Variants in PNMA6E observed in about 807,000 individuals in gnomAD.
PNMA6E encodes the protein PNMA family member 6E.
For synonymous variants in PNMA6E, 43 were observed against 17.1 expected, an observed-to-expected ratio of 2.52 and a Z score of -3.74; for missense variants, 78 against 50.8, an observed-to-expected ratio of 1.53 and a Z score of -1.63.
At chrX:153,413,106 G>A in the PNMA6E span, among the ~76,000 whole-genome samples, 2 of 110,990 alleles carry the variant, frequency 1.8e-5, no homozygotes, top group African/African-American at 6.6e-5. Flanking sequence ...AGCTGATGGG[G>A]CTGAGAGAAG....
chrX:153,404,586 G>A (rs2088868579), upstream of PNMA6E, among the ~76,000 whole-genome samples: 1 of 111,980 alleles, frequency 8.9e-6, no homozygotes, highest in African/African-American at 3.3e-5. Flanking sequence ...CCTGTGTTGG[G>A]TATCAACTGC....
chrX:153,408,278 C>T, the PNMA6E span, among the ~76,000 whole-genome samples: 16 of 112,591 alleles, frequency 1.4e-4, no homozygotes, highest in African/African-American at 1.9e-4. Context: ...AGGCAGTGGA[C>T]GGCCACCTCC....
chrX:153,397,230 G>C lies in PNMA6E; in HGVS notation c.1620C>G (p.Ala540=). 1 of 297,962 alleles carries C rather than the reference G, an allele frequency of 3.4e-6. No individual in the cohort carries two copies. The allele number at this position is 297,962 out of a possible 1,213,427, so 24.6% of individuals were successfully genotyped here. A position where few individuals can be genotyped will look rare whatever the true frequency, so the allele number is the denominator to read the frequency against. ...CCTCTTTGGTGGCAGAAGCGGCCTC[G>C]GCAGCATCTTCTGCTCCGGGACCAG... is the stretch of plus-strand genomic sequence containing the variant. The part of the protein sequence containing the change: ...SEAGPGAEDA[A]EAASATKEAA... The change falls in exon 2 of 2, where the codon GCC becomes GCG. Residue 540 remains alanine (A), a synonymous_variant. Transcript: ENST00000445091.
At chrX:153,409,219 C>T in the PNMA6E span, among the ~76,000 whole-genome samples, 2 of 113,383 alleles carry the variant, frequency 1.8e-5, no homozygotes, top group African/African-American at 3.2e-5. Context: ...CCAGGCCAGC[C>T]GGACTGTGAG....
At chrX:153,405,485 G>A (rs1217504336), upstream of PNMA6E, among the ~76,000 whole-genome samples, 1 of 110,387 alleles carries the variant, frequency 9.1e-6, no homozygotes, top group Non-Finnish European at 1.9e-5. Context: ...TGTCTTGGGT[G>A]CTCTCTCTTA....
chrX:153,402,055 C>T (rs1221965636), upstream of PNMA6E, among the ~76,000 whole-genome samples: 1 of 110,511 alleles, frequency 9.0e-6, no homozygotes, highest in African/African-American at 3.3e-5. Flanking sequence ...CATCTCTTGA[C>T]CTTGTGATCC....
chrX:153,411,807 G>A, the PNMA6E span, among the ~76,000 whole-genome samples: 1 of 112,411 alleles, frequency 8.9e-6, no homozygotes, highest in African/African-American at 3.2e-5. Flanking sequence ...CGGCGGCGGC[G>A]ACAAGCAGGG....
Position 153,396,938 on chromosome X carries a change from C to T in PNMA6E, c.1912G>A (p.Glu638Lys), listed in dbSNP as rs1030734177. The T allele has an allele frequency of 4.7e-5, 14 of 296,376 alleles. No homozygotes were observed. In the East Asian group the frequency reaches 4.8e-4, roughly 10 times the overall value. 24.4% of individuals were successfully genotyped at this position (296,376 alleles called of 1,213,427 possible). Residue 638 changes from glutamate (E) to lysine (K), a missense_variant, in exon 2 of 2, where the codon GAG (glutamate) becomes AAG (lysine). Physicochemically the swap from Glu to Lys is moderately conservative, Grantham distance 56 (BLOSUM62 1). Coordinates refer to ENST00000445091, the MANE Select transcript of PNMA6E (RefSeq NM_001367770.1). ...ENEDEDGAGD[E>K]GQPKSSQGK The stretch of plus-strand genomic sequence containing the variant: ...CCCTGGGAGGACTTGGGCTGGCCCT[C>T]GTCCCCGGCCCCATCCTCATCCTCG...
chrX:153,397,778 C>T lies in PNMA6E; in HGVS notation c.1072G>A (p.Glu358Lys), dbSNP rs972368514. The change falls in exon 2 of 2, where the codon GAG becomes AAG. Residue 358 changes from glutamate (E) to lysine (K), a missense_variant. Coordinates refer to ENST00000445091, the MANE Select transcript of PNMA6E (RefSeq NM_001367770.1). Reference sequence around the variant, plus strand: ...CTCTCCAGCAGCCACCTCTTCTTCTCCCTTTCCGACGCATGGCACCACAGC... The same window carrying T: ...CTCTCCAGCAGCCACCTCTTCTTCTTCCTTTCCGACGCATGGCACCACAGC... ...LQLWCHASER[E>K]KKRWLLESLG... The T allele has an allele frequency of 4.9e-5, 15 of 309,127 alleles. No homozygotes were observed. The highest frequency in any genetic ancestry group is 3.8e-4 in the African/African-American group (14 of 37,034). 25.5% of individuals were successfully genotyped at this position (309,127 alleles called of 1,213,427 possible).
chrX:153,406,484 T>C, the PNMA6E span, among the ~76,000 whole-genome samples: 2 of 112,640 alleles, frequency 1.8e-5, no homozygotes, highest in Non-Finnish European at 3.8e-5. Context: ...GAGAATTGCA[T>C]GTGCAAAGGT....
chrX:153,405,377 C>T (rs1425661547), upstream of PNMA6E, among the ~76,000 whole-genome samples: 1 of 111,997 alleles, frequency 8.9e-6, no homozygotes, highest in East Asian at 2.8e-4. Flanking sequence ...TAGCTGGATC[C>T]CTCTCCCTTT....
At chrX:153,405,252 G>A (rs782191088), upstream of PNMA6E, among the ~76,000 whole-genome samples, 1 of 112,115 alleles carries the variant, frequency 8.9e-6, no homozygotes, top group Non-Finnish European at 1.9e-5. Context: ...AAGTGTTGTC[G>A]CCTCTCCAAC....
At chrX:153,407,657 C>A in the PNMA6E span, among the ~76,000 whole-genome samples, 3 of 111,490 alleles carry the variant, frequency 2.7e-5, no homozygotes, top group Non-Finnish European at 5.7e-5. Flanking sequence ...CAGGCATGAG[C>A]CACCATGCCC....
chrX:153,413,965 T>TGGGG, the PNMA6E span, among the ~76,000 whole-genome samples: 9 of 112,456 alleles, frequency 8.0e-5, no homozygotes, highest in African/African-American at 2.3e-4. Context: ...CTCCCGCCGA[T>TGGGG]GGGGTGTTCA....
rs1159505065 is a variant in PNMA6E, at chrX:153,400,699, C to A, written c.-72+545G>T. On this transcript the variant is annotated intron_variant, in intron 1 of 1. Coordinates refer to ENST00000445091, the MANE Select transcript of PNMA6E (RefSeq NM_001367770.1). ...CCCTAGGACCTGACCACGGCACCCG[C>A]CAGGGGCCGTCCCCTCTCGCGCCTC... 3.6e-5 allele frequency among the ~76,000 whole-genome samples: 4 copies of A among 110,457 alleles called. No homozygotes were observed. The East Asian group carries it at 1.2e-3, about 32-fold the overall frequency.
At chrX:153,410,837 A>G in the PNMA6E span, among the ~76,000 whole-genome samples, 1 of 111,837 alleles carries the variant, frequency 8.9e-6, no homozygotes, top group Non-Finnish European at 1.9e-5. Context: ...CTATTTGTCA[A>G]AGGTCTCACA....
chrX:153,411,208 C>T, the PNMA6E span, among the ~76,000 whole-genome samples: 2 of 112,615 alleles, frequency 1.8e-5, no homozygotes, highest in African/African-American at 6.4e-5. Context: ...GACGTAATAA[C>T]GCCCAGGGGT....
Position 153,397,060 on chromosome X carries a change from A to C in PNMA6E, c.1790T>G (p.Leu597Arg), listed in dbSNP as rs2088812840. ...GATGAGGCCCTCTGGACCCCAGCTA[A>C]GACCTCTTGGGAACACCCAGACAGC... ...SSAVWVFPRG[L>R]SWGPEGLIQV... The change falls in exon 2 of 2, where the codon CTT (leucine) becomes CGT (arginine). Residue 597 changes from leucine (L) to arginine (R), a missense_variant. Transcript: ENST00000445091. 1 of 296,498 alleles carries C rather than the reference A, an allele frequency of 3.4e-6. No individual in the cohort carries two copies. The highest frequency in any genetic ancestry group is 2.7e-5 in the African/African-American group (1 of 36,628). 24.4% of individuals were successfully genotyped at this position (296,498 alleles called of 1,213,427 possible).
chrX:153,400,976 C>A (rs932628926), intron 1 of PNMA6E, among the ~76,000 whole-genome samples: 2 of 110,973 alleles, frequency 1.8e-5, no homozygotes, highest in Non-Finnish European at 3.8e-5. Flanking sequence ...CCTCTGGCCA[C>A]CCCGCACTGA....
Sources: gnomAD v4.1 joint callset for allele counts (sites outside exome capture counted in the v4.1 genomes callset) on GRCh38, gnomAD v4.1.1 for gene constraint, MANE v1.5 for transcripts, NCBI Gene and HGNC (gene_info 2026-07-23, HGNC 2026-07-21) for gene names.